MAP3K21: variants seen among roughly 807,000 people sequenced by gnomAD.
MAP3K21 encodes the protein mitogen-activated protein kinase kinase kinase MLK4.
Under a neutral mutation model 86.1 loss-of-function variants are expected in MAP3K21, and 63 were observed. The ratio of observed to expected loss-of-function variants is 0.73; its 90% confidence interval spans 0.60 to 0.90. The LOEUF (loss-of-function observed/expected upper bound fraction) is 0.90, where lower values mean the gene tolerates loss of function less well. Ranked by LOEUF, MAP3K21 falls within the 40% of genes least tolerant of loss-of-function variation. The pLI is 0.00. For synonymous variants in MAP3K21, 558 were observed against 564.8 expected (o/e 0.99, Z 0.17); for missense variants, 1,220 against 1,367.7 (o/e 0.89, Z 1.70).
intron 3 of MAP3K21, 34 bp from the exon 4 acceptor site, chr1:233,354,802 G>A (rs1459202622): frequency 2.3e-6 from 2 of 877,136 alleles, no homozygotes; most frequent in Non-Finnish European, 1.6e-6. Flanking sequence ...ACTGCGTTGA[G>A]AGATGGTATT....
intron 2 of MAP3K21, among the ~76,000 whole-genome samples, 158 bp downstream of exon 2, chr1:233,346,780 G>T (rs1316074665): frequency 6.6e-6 from 1 of 152,186 alleles, no homozygotes; most frequent in Non-Finnish European, 1.5e-5. Flanking sequence ...CAACGGAACA[G>T]ATAATTTGAT....
At chr1:233,369,406 A>T (rs1287255439) in intron 5 of MAP3K21, among the ~76,000 whole-genome samples, 2 of 152,068 alleles carry the variant, frequency 1.3e-5, no homozygotes, top group African/African-American at 2.4e-5. Flanking sequence ...AAGAAGTAAC[A>T]TTTAAATTGA....
chr1:233,364,936 A>T (rs1023011686), intron 5 of MAP3K21, among the ~76,000 whole-genome samples: 7 of 152,174 alleles, frequency 4.6e-5, no homozygotes, highest in African/African-American at 1.4e-4. Flanking sequence ...TACTGGTACC[A>T]ATATGGAAAT....
chr1:233,377,454 C>T (rs148088751), intron 8 of MAP3K21, among the ~76,000 whole-genome samples: 1 of 152,280 alleles, frequency 6.6e-6, no homozygotes, highest in East Asian at 1.9e-4. Flanking sequence ...TCAGCTTCTC[C>T]TTCTGAAGGT....
intron 2 of MAP3K21, among the ~76,000 whole-genome samples, chr1:233,353,182 C>CA (rs5781740): frequency 0.44 from 66,902 of 151,890 alleles, 15,165 homozygotes; most frequent in Admixed American, 0.55. Flanking sequence ...TCCTCCATTA[C>CA]AAAAAAGAGA....
intron 1 of MAP3K21, among the ~76,000 whole-genome samples, chr1:233,340,457 C>T (rs1663021326): frequency 6.6e-6 from 1 of 152,084 alleles, no homozygotes; most frequent in African/African-American, 2.4e-5. Context: ...ATATAGGGTT[C>T]ATTCAGGAGA....
At chr1:233,369,431 A>G (rs111756651) in intron 5 of MAP3K21, among the ~76,000 whole-genome samples, 5 of 152,202 alleles carry the variant, frequency 3.3e-5, no homozygotes, top group African/African-American at 1.2e-4. Flanking sequence ...TGATATGGGA[A>G]TTTACCAAAT....
chr1:233,334,127 A>C (rs1219649805), intron 1 of MAP3K21, among the ~76,000 whole-genome samples: 1 of 149,546 alleles, frequency 6.7e-6, no homozygotes, highest in African/African-American at 2.5e-5. Context: ...GGCCGCCCAA[A>C]GTACTGGGAT....
chr1:233,328,872 C>T lies in MAP3K21; in HGVS notation c.805+39C>T, dbSNP rs758207018. On this transcript the variant is annotated intron_variant, in intron 1 of 9. Coordinates refer to ENST00000366624, the MANE Select transcript of MAP3K21 (RefSeq NM_032435.3). The surrounding 1 kb of genome is among the most constrained non-coding windows in gnomAD (Gnocchi z 8.7). The stretch of plus-strand genomic sequence containing the variant: ...GAGGGAGGTGGGGGAAGACTACCTC[C>T]GTGCCAGCCCAGGCGGGCTCCACAG... 10 of 1,452,392 alleles carry T rather than the reference C, an allele frequency of 6.9e-6. No homozygotes were observed. Among genetic ancestry groups the T allele is most frequent in the Non-Finnish European group, 8.2e-6 (9 of 1,096,580 alleles). 90.0% of individuals were successfully genotyped at this position (1,452,392 alleles called of 1,614,324 possible).
chr1:233,349,053 T>A (rs1663199946), intron 2 of MAP3K21, among the ~76,000 whole-genome samples: 1 of 152,204 alleles, frequency 6.6e-6, no homozygotes, highest in South Asian at 2.1e-4. Flanking sequence ...TTAAAGCTTC[T>A]AAGAAATTTA....
At chr1:233,348,521 C>A (rs1332302920) in intron 2 of MAP3K21, among the ~76,000 whole-genome samples, 1 of 152,114 alleles carries the variant, frequency 6.6e-6, no homozygotes. Context: ...AGTGAGATTG[C>A]TTGGCCATAT....
chr1:233,327,766 C>G lies in MAP3K21; in HGVS notation c.-263C>G, dbSNP rs1662719910. On this transcript the variant is annotated 5_prime_UTR_variant, in exon 1 of 10. Transcript: ENST00000366624. ...AGGAGCGCGCGGCGGGCGGGCCGGC[C>G]GCAGGGCCTGGGCACGACCATGGTG... 3.5e-6 allele frequency: 1 copy of G among 287,628 alleles called. No homozygotes were observed. The highest frequency in any genetic ancestry group is 6.4e-6 in the Non-Finnish European group (1 of 156,594). The allele number at this position is 287,628 out of a possible 1,614,324, so 17.8% of individuals were successfully genotyped here.
At position 233,350,038 on chromosome 1, in the gene MAP3K21, C is replaced by T. The variant is rs1255293904; in HGVS notation, c.986+3416C>T. Among the ~76,000 whole-genome samples the T allele has an allele frequency of 3.3e-5, 5 of 151,922 alleles. No individual in the cohort carries two copies. In the South Asian group the frequency reaches 6.2e-4, roughly 19 times the overall value. Reference sequence around the variant, plus strand: ...CTACTTTTCACCTGAGGTTTTTTCCCGTTACTAGCTTGGCATCCCTCTCCC... The same window carrying T: ...CTACTTTTCACCTGAGGTTTTTTCCTGTTACTAGCTTGGCATCCCTCTCCC... On this transcript the variant is annotated intron_variant, in intron 2 of 9. Coordinates refer to ENST00000366624, the MANE Select transcript of MAP3K21 (RefSeq NM_032435.3).
intron 4 of MAP3K21, 64 bp downstream of exon 4, chr1:233,355,075 C>G: frequency 8.3e-7 from 1 of 1,200,826 alleles, no homozygotes; most frequent in Non-Finnish European, 1.2e-6. Context: ...AAATATGAGG[C>G]AAGAAGCACT....
chr1:233,382,707 C>A lies in MAP3K21; in HGVS notation c.3107C>A (p.Ser1036Tyr). Residue 1036 changes from serine (S) to tyrosine (Y), a missense_variant, in exon 10 of 10, where the codon TCT (serine) becomes TAT (tyrosine). Around this residue, in one of 5 missense-constraint regions of MAP3K21, gnomAD observed 632 missense variants for 691.3 expected, o/e 0.91. Coordinates refer to ENST00000366624, the MANE Select transcript of MAP3K21 (RefSeq NM_032435.3). ...TATGAACTGGAGAAAGAATTCCTGT[C>A]TTAAACTAAGTGCCTTACTGTTGTT... ...SIYELEKEFL[S>Y] is the part of the protein sequence containing the mutation. 6.2e-7 allele frequency: 1 copy of A among 1,610,920 alleles called. No individual in the cohort carries two copies. The highest frequency in any genetic ancestry group is 1.1e-5 in the South Asian group (1 of 90,914).
At chr1:233,351,289 G>A (rs1428908622) in intron 2 of MAP3K21, among the ~76,000 whole-genome samples, 2 of 152,270 alleles carry the variant, frequency 1.3e-5, no homozygotes, top group East Asian at 3.8e-4. Flanking sequence ...TAATTTACAA[G>A]TAGTACATTA....
intron 1 of MAP3K21, among the ~76,000 whole-genome samples, chr1:233,330,438 A>G (rs1039246312): frequency 6.6e-6 from 1 of 152,160 alleles, no homozygotes; most frequent in African/African-American, 2.4e-5. Context: ...TCGATAATAT[A>G]TATATATTTT....
rs1428311673 is a variant in MAP3K21, at chr1:233,382,973, G to A, written c.*262G>A. The A allele has an allele frequency of 6.0e-6, 2 of 330,764 alleles. No homozygotes were observed. The highest frequency in any genetic ancestry group is 4.2e-5 in the African/African-American group (2 of 47,900). The allele number at this position is 330,764 out of a possible 1,614,324, so 20.5% of individuals were successfully genotyped here. On this transcript the variant is annotated 3_prime_UTR_variant, in exon 10 of 10. Coordinates refer to ENST00000366624, the MANE Select transcript of MAP3K21 (RefSeq NM_032435.3). The stretch of plus-strand genomic sequence containing the variant: ...ATGTGCACCAATGAAAACTATGCTG[G>A]GTCGAATTACCTTCAGCACAATGTT...
chr1:233,366,533 C>G (rs762965200), intron 5 of MAP3K21, among the ~76,000 whole-genome samples: 1 of 152,124 alleles, frequency 6.6e-6, no homozygotes, highest in Non-Finnish European at 1.5e-5. Flanking sequence ...AAATGGCACA[C>G]TGTTCAGGGA....
Sources: gnomAD v4.1 joint callset for allele counts (sites outside exome capture counted in the v4.1 genomes callset) on GRCh38, gnomAD v4.1.1 for gene constraint, gnomAD v4.1.1 regional missense constraint, Gnocchi (gnomAD v3.1) non-coding constraint, MANE v1.5 for transcripts, NCBI Gene and HGNC (gene_info 2026-07-23, HGNC 2026-07-21) for gene names.